The following NEK9 variants were observed in gnomAD, a reference collection of about 807,000 sequenced individuals.
The protein encoded by NEK9 is NIMA related kinase 9, also known as serine/threonine-protein kinase Nek9.
A neutral mutation model predicts 123.4 loss-of-function variants in NEK9; 75 were observed. That is an observed-to-expected ratio of 0.61 (90% CI 0.50 to 0.74). NEK9 has a LOEUF of 0.74. Ranked by LOEUF, NEK9 falls within the 30% of genes least tolerant of loss-of-function variation. The pLI is 0.00. For synonymous variants in NEK9, 438 were observed against 458.7 expected (o/e 0.95, Z 0.58); for missense variants, 952 against 1,214.4 (o/e 0.78, Z 3.21).
chr14:75,082,941 G>A lies in NEK9; in HGVS notation c.*1623C>T, dbSNP rs1439223100. On this transcript the variant is annotated 3_prime_UTR_variant, in exon 22 of 22. Coordinates refer to ENST00000238616, the MANE Select transcript of NEK9 (RefSeq NM_033116.6). ...TTTCAGTGATTACATTAGTACTAAT[G>A]TACTAGGCTTCCCAGAACTGAGAAA... 2 of 398,574 alleles carry A rather than the reference G, an allele frequency of 5.0e-6. No homozygotes were observed. Among genetic ancestry groups the A allele is most frequent in the Non-Finnish European group, 8.8e-6 (2 of 226,062 alleles). 24.7% of individuals were successfully genotyped at this position (398,574 alleles called of 1,614,324 possible).
At chr14:75,103,644 T>C (rs61980807) in intron 14 of NEK9, among the ~76,000 whole-genome samples, 198 bp downstream of exon 14, 7 of 152,212 alleles carry the variant, frequency 4.6e-5, no homozygotes, top group Non-Finnish European at 1.0e-4. Flanking sequence ...AAGTTAATTT[T>C]GCCTGTTCTT....
intron 18 of NEK9, 115 bp from the exon 19 acceptor site, chr14:75,091,593 G>C (rs1894220223): frequency 1.2e-6 from 1 of 811,786 alleles, no homozygotes; most frequent in Middle Eastern, 3.8e-4. Flanking sequence ...AAGTGCAATG[G>C]CAACAGTGCA....
rs1895170913 is a variant in NEK9 at position 75,117,181 on chromosome 14, A to G, written c.762+14T>C. On this transcript the variant is annotated intron_variant, in intron 6 of 21. Coordinates refer to ENST00000238616, the MANE Select transcript of NEK9 (RefSeq NM_033116.6). Reference sequence around the variant, plus strand: ...ACCTGCTAAATGCAATATGGGGATAATATGCCAACTTACTGTAGCATCAAA... The same window carrying G: ...ACCTGCTAAATGCAATATGGGGATAGTATGCCAACTTACTGTAGCATCAAA... 1 of 1,610,768 alleles carries G rather than the reference A, an allele frequency of 6.2e-7. No homozygotes were observed. The highest frequency in any genetic ancestry group is 1.3e-5 in the African/African-American group (1 of 74,786).
At chr14:75,110,401 T>C (rs1894922810) in intron 8 of NEK9, 30 bp from the exon 9 acceptor site, 25 of 1,575,436 alleles carry the variant, frequency 1.6e-5, no homozygotes, top group Non-Finnish European at 2.1e-5. Context: ...GATACATGAG[T>C]GAAATAATAG....
At position 75,124,019 on chromosome 14, in the gene NEK9, G is replaced by A. The variant is rs114680267; in HGVS notation, c.397+27C>T. On this transcript the variant is annotated intron_variant, in intron 2 of 21. Coordinates refer to ENST00000238616, the MANE Select transcript of NEK9 (RefSeq NM_033116.6). ...TTATGAGTCTAAGAAAGTCTTGCTG[G>A]AAAAGTCCCACTGAACTCTATCTTA... The A allele has an allele frequency of 0.012, 19,127 of 1,580,348 alleles. 251 individuals are homozygous for A. The highest frequency in any genetic ancestry group is 0.056 in the African/African-American group (4,146 of 74,476).
chr14:75,090,955 C>G (rs977251105), intron 19 of NEK9, among the ~76,000 whole-genome samples: 2 of 152,168 alleles, frequency 1.3e-5, no homozygotes, highest in African/African-American at 4.8e-5. Flanking sequence ...TATTCCATTT[C>G]TATAAATGAC....
At chr14:75,088,720 T>C in intron 19 of NEK9, 79 bp from the exon 20 acceptor site, 3 of 1,386,952 alleles carry the variant, frequency 2.2e-6, no homozygotes, top group Non-Finnish European at 3.0e-6. Context: ...TTGCTATAGT[T>C]TTCCCTCTCT....
chr14:75,084,722 G>C, intron 21 of NEK9, 36 bp from the exon 22 acceptor site: 2 of 1,613,476 alleles, frequency 1.2e-6, no homozygotes, highest in Non-Finnish European at 1.7e-6. Flanking sequence ...ATTAGCAACA[G>C]TGCCACCTAG....
chr14:75,085,700 CTTCA>C (rs1893999092), intron 21 of NEK9, among the ~76,000 whole-genome samples: 3 of 152,196 alleles, frequency 2.0e-5, no homozygotes. Context: ...GCCCTGGTTT[CTTCA>C]ACAAGTCAAT....
At chr14:75,119,053 C>T in intron 4 of NEK9, 118 bp from the exon 5 acceptor site, 2 of 641,406 alleles carry the variant, frequency 3.1e-6, no homozygotes, top group Non-Finnish European at 2.7e-6. Flanking sequence ...CAGTGGCTCA[C>T]ATCTGTAATC....
chr14:75,091,554 A>G, intron 18 of NEK9, 76 bp from the exon 19 acceptor site: 1 of 1,282,238 alleles, frequency 7.8e-7, no homozygotes, highest in Non-Finnish European at 1.0e-6. Context: ...AACCCTACTT[A>G]CCCTGGAAAG....
At chr14:75,106,833 A>T (rs1894793980) in intron 11 of NEK9, 131 bp from the exon 12 acceptor site, 1 of 674,990 alleles carries the variant, frequency 1.5e-6, no homozygotes, top group South Asian at 1.9e-5. Flanking sequence ...CCAAGAAATT[A>T]AAAGGACAGA....
rs369373325 is a variant in NEK9, at chr14:75,107,514, T to G, written c.1183-27A>C. The G allele has an allele frequency of 1.7e-4, 255 of 1,535,352 alleles. 1 individual carries two copies. In the South Asian group the frequency reaches 2.9e-3, roughly 17 times the overall value. On this transcript the variant is annotated intron_variant, in intron 10 of 21. Coordinates refer to ENST00000238616, the MANE Select transcript of NEK9 (RefSeq NM_033116.6). Reference sequence around the variant, plus strand: ...TGTGAAATAAAGAGGTCTTATGACTTTTTTTTTTAATTACATTTTATTAAA... The same window carrying G: ...TGTGAAATAAAGAGGTCTTATGACTGTTTTTTTTAATTACATTTTATTAAA...
Position 75,120,495 on chromosome 14 carries a change from T to C in NEK9, c.524+15A>G, listed in dbSNP as rs765559996. 1 of 1,596,670 alleles carries C rather than the reference T, an allele frequency of 6.3e-7. No individual in the cohort carries two copies. Among genetic ancestry groups the C allele is most frequent in the East Asian group, 2.2e-5 (1 of 44,600 alleles). On this transcript the variant is annotated intron_variant, in intron 4 of 21. Coordinates refer to ENST00000238616, the MANE Select transcript of NEK9 (RefSeq NM_033116.6). ...GGTAGGGAAGAATCCATCCATAATT[T>C]TTTTTACTTCTTACCTATGAAGGAT...
rs970946695 is a variant in NEK9, at chr14:75,079,944, T to A, written c.*4620A>T. 1 of 152,254 alleles carries A rather than the reference T, an allele frequency of 6.6e-6. No homozygotes were observed. Among genetic ancestry groups the A allele is most frequent in the South Asian group, 2.1e-4 (1 of 4,836 alleles). 9.4% of individuals were successfully genotyped at this position (152,254 alleles called of 1,614,324 possible). A position where few individuals can be genotyped will look rare whatever the true frequency, so the allele number is the denominator to read the frequency against. On this transcript the variant is annotated 3_prime_UTR_variant, in exon 22 of 22. Transcript: ENST00000238616. ...GAGTGCTTTCTAAAAAGGAAGCAGTTGTTTGCTCTCATTTTGCTAAAGAAA... is the reference window on the plus strand; with the variant it reads ...GAGTGCTTTCTAAAAAGGAAGCAGTAGTTTGCTCTCATTTTGCTAAAGAAA...
intron 18 of NEK9, chr14:75,091,721 T>C: frequency 2.5e-6 from 1 of 404,536 alleles, no homozygotes; most frequent in Non-Finnish European, 4.3e-6. Flanking sequence ...TTTACCAACT[T>C]TGTTTATCTT....
chr14:75,098,758 A>G (rs976241588), intron 16 of NEK9, among the ~76,000 whole-genome samples: 1 of 152,194 alleles, frequency 6.6e-6, no homozygotes, highest in Non-Finnish European at 1.5e-5. Context: ...GAACATCAAG[A>G]GGTAATATGC....
intron 9 of NEK9, 34 bp from the exon 10 acceptor site, chr14:75,109,911 A>G (rs1221429922): frequency 3.2e-6 from 5 of 1,555,852 alleles, no homozygotes; most frequent in Non-Finnish European, 4.3e-6. Flanking sequence ...GGAACATTTA[A>G]CATTAAAAAC....
At chr14:75,107,276 T>C (rs1277283033) in intron 11 of NEK9, 67 bp downstream of exon 11, 5 of 1,508,290 alleles carry the variant, frequency 3.3e-6, no homozygotes, top group East Asian at 2.4e-5. Context: ...CCAACTAAGA[T>C]TGCACAGCAT....
Sources: allele counts gnomAD v4.1 joint callset (sites outside exome capture counted in the v4.1 genomes callset), GRCh38; gene constraint gnomAD v4.1.1; transcripts MANE v1.5; gene names NCBI Gene and HGNC (gene_info 2026-07-23, HGNC 2026-07-21).